Variants in HPSE observed in about 807,000 individuals in gnomAD.
HPSE encodes the protein endo-glucoronidase.
A neutral mutation model predicts 65.1 loss-of-function variants in HPSE; 48 were observed. That is an observed-to-expected ratio of 0.74 (90% confidence interval 0.58 to 0.94). The LOEUF (loss-of-function observed/expected upper bound fraction) is 0.94, where lower values mean the gene tolerates loss of function less well. Among genes scored for constraint, HPSE ranks in the 40% least tolerant of loss-of-function variants. The pLI is 0.00. For missense variants in HPSE, 644 were observed against 637.5 expected, an observed-to-expected ratio of 1.01 and a Z score of -0.11; for synonymous variants, 243 against 260.0, an observed-to-expected ratio of 0.93 and a Z score of 0.63.
At chr4:83,298,586 C>T (rs1365427748) in intron 11 of HPSE, among the ~76,000 whole-genome samples, 1 of 152,038 alleles carries the variant, frequency 6.6e-6, no homozygotes, top group Non-Finnish European at 1.5e-5. Context: ...AATCCCAGCA[C>T]TTTGGGAGGC....
At chr4:83,307,288 C>A (rs1309167350) in intron 8 of HPSE, among the ~76,000 whole-genome samples, 1 of 152,144 alleles carries the variant, frequency 6.6e-6, no homozygotes, top group Non-Finnish European at 1.5e-5. Context: ...GGTTACAGGA[C>A]CACAAGTGCA....
At chr4:83,328,037 A>AC (rs1002139314) in intron 1 of HPSE, among the ~76,000 whole-genome samples, 1 of 151,938 alleles carries the variant, frequency 6.6e-6, no homozygotes, top group Non-Finnish European at 1.5e-5. Context: ...GTTAGAAAAC[A>AC]CCCCCCAACA....
chr4:83,319,191 C>A lies in HPSE; in HGVS notation c.499+153G>T, dbSNP rs572755929. On this transcript the variant is annotated intron_variant, in intron 3 of 11. Coordinates refer to ENST00000311412, the MANE Select transcript of HPSE (RefSeq NM_001098540.3). ...AACAAACAAAAAAAAAACCAAAAAGCAAGTTTTGAGTTTAGGATTTCCCAT... is the reference window on the plus strand; with the variant it reads ...AACAAACAAAAAAAAAACCAAAAAGAAAGTTTTGAGTTTAGGATTTCCCAT... The A allele has an allele frequency of 6.0e-4, 445 of 741,938 alleles. 1 individual carries two copies. In the African/African-American group the frequency reaches 7.5e-3, roughly 12 times the overall value. 46.0% of individuals were successfully genotyped at this position (741,938 alleles called of 1,614,324 possible). A position where few individuals can be genotyped will look rare whatever the true frequency, so the allele number is the denominator to read the frequency against.
intron 11 of HPSE, among the ~76,000 whole-genome samples, chr4:83,300,244 C>T (rs1735889235): frequency 6.6e-6 from 1 of 152,042 alleles, no homozygotes; most frequent in African/African-American, 2.4e-5. Context: ...TTACTCTAAC[C>T]AATAAAAATT....
In HPSE at chr4:83,296,669, TAAAAAAAGAAAAAAA is replaced by T. The variant is rs1003428428; in HGVS notation, c.1473-1181_1473-1167del. Among the ~76,000 whole-genome samples, 3 of 133,536 alleles carry T rather than the reference TAAAAAAAGAAAAAAA, an allele frequency of 2.2e-5. No homozygotes were observed. In the South Asian group the frequency reaches 6.9e-4, roughly 31 times the overall value. 87.6% of individuals were successfully genotyped at this position (133,536 alleles called of 152,430 possible). ...CAGCCTGGTAGAGCAAGATTCTGTC[TAAAAAAAGAAAAAAA>T]AAAAAAAGAAAAGAGAACGTATAAG... On this transcript the variant is annotated intron_variant, in intron 11 of 11. Coordinates refer to ENST00000311412, the MANE Select transcript of HPSE (RefSeq NM_001098540.3).
Position 83,302,236 on chromosome 4 carries a change from C to T in HPSE, c.1239G>A (p.Leu413=). Residue 413 remains leucine (L), a synonymous_variant, in exon 10 of 12, where the codon TTG becomes TTA. Coordinates refer to ENST00000311412, the MANE Select transcript of HPSE (RefSeq NM_001098540.3). ...DYWLSLLFKK[L]VGTKVLMASV... is the part of the protein sequence containing the mutation. The stretch of plus-strand genomic sequence containing the variant: ...TTGCCATTAACACCTTGGTGCCCAC[C>T]AATTTCTTGAACAGAAGAGATAGCC... 1.2e-6 allele frequency: 2 copies of T among 1,613,734 alleles called. No individual in the cohort carries two copies. The highest frequency in any genetic ancestry group is 1.7e-6 in the Non-Finnish European group (2 of 1,179,718).
intron 7 of HPSE, among the ~76,000 whole-genome samples, 189 bp downstream of exon 7, chr4:83,309,213 T>A (rs1736271285): frequency 6.6e-6 from 1 of 152,220 alleles, no homozygotes; most frequent in African/African-American, 2.4e-5. Flanking sequence ...TGGAAATATT[T>A]CAAATTTCTA....
rs375696506 is a variant in HPSE at position 83,313,096 on chromosome 4, G to T, written c.673+18C>A. 9 of 1,491,132 alleles carry T rather than the reference G, an allele frequency of 6.0e-6. No homozygotes were observed. Among genetic ancestry groups the T allele is most frequent in the African/African-American group, 1.4e-5 (1 of 71,170 alleles). 92.4% of individuals were successfully genotyped at this position (1,491,132 alleles called of 1,614,324 possible). On this transcript the variant is annotated intron_variant, in intron 4 of 11. Coordinates refer to ENST00000311412, the MANE Select transcript of HPSE (RefSeq NM_001098540.3). ...TGGGGGATCTCCTTATTAATGAATTGTTCCCTGGGGTACTCACCATTGCCT... is the reference window on the plus strand; with the variant it reads ...TGGGGGATCTCCTTATTAATGAATTTTTCCCTGGGGTACTCACCATTGCCT...
intron 1 of HPSE, among the ~76,000 whole-genome samples, chr4:83,323,921 G>C (rs1374054337): frequency 6.6e-6 from 1 of 152,042 alleles, no homozygotes; most frequent in Non-Finnish European, 1.5e-5. Context: ...CTGGGTAAGA[G>C]AAACACCTGT....
chr4:83,297,374 G>GTA lies in HPSE; in HGVS notation c.1473-1873_1473-1872dup, dbSNP rs1735772468. Among the ~76,000 whole-genome samples the GTA allele has an allele frequency of 2.7e-5, 4 of 145,478 alleles. No homozygotes were observed. In the South Asian group the frequency reaches 8.7e-4, roughly 32 times the overall value. ...TTTTTTACTTAAGTATGGGTATACT[G>GTA]TATTTTCTTAAAACTTGATTCTTCC... On this transcript the variant is annotated intron_variant, in intron 11 of 11. Coordinates refer to ENST00000311412, the MANE Select transcript of HPSE (RefSeq NM_001098540.3).
intron 1 of HPSE, among the ~76,000 whole-genome samples, chr4:83,324,137 T>TC (rs1737042242): frequency 1.4e-4 from 13 of 92,636 alleles, no homozygotes; most frequent in African/African-American, 3.5e-4. Context: ...TTTTTTTTTT[T>TC]TGAGACAGGA....
intron 10 of HPSE, 90 bp downstream of exon 10, chr4:83,302,060 G>T: frequency 1.3e-6 from 1 of 770,934 alleles, no homozygotes; most frequent in Non-Finnish European, 2.3e-6. Flanking sequence ...CTTATGCAAT[G>T]TATAGACACA....
At chr4:83,320,804 C>T (rs377428729) in intron 2 of HPSE, among the ~76,000 whole-genome samples, 15 of 152,288 alleles carry the variant, frequency 9.8e-5, no homozygotes, top group African/African-American at 3.6e-4. Flanking sequence ...CCGACCATCC[C>T]CCTAGACACA....
At chr4:83,312,914 C>T (rs1443084023) in intron 4 of HPSE, among the ~76,000 whole-genome samples, 200 bp downstream of exon 4, 5 of 48,636 alleles carry the variant, frequency 1.0e-4, no homozygotes, top group South Asian at 7.2e-4. Context: ...CCCAGCTACT[C>T]GGGAGGCTGA....
chr4:83,316,513 T>C (rs945073637), intron 3 of HPSE, among the ~76,000 whole-genome samples: 6 of 152,064 alleles, frequency 3.9e-5, no homozygotes, highest in East Asian at 3.9e-4. Flanking sequence ...AGATGACACA[T>C]TGAAAAAAAT....
Position 83,319,443 on chromosome 4 carries a change from G to T in HPSE, c.400C>A (p.Pro134Thr). The T allele has an allele frequency of 6.2e-7, 1 of 1,613,862 alleles. No homozygotes were observed. Among genetic ancestry groups the T allele is most frequent in the African/African-American group, 1.3e-5 (1 of 75,000 alleles). ...QDICKYGSIP[P>T]DVEEKLRLEW... Reference sequence around the variant, plus strand: ...AACCGTAACTTCTCCTCCACATCAGGAGGGATGGATCCATATTTGCAAATA... The same window carrying T: ...AACCGTAACTTCTCCTCCACATCAGTAGGGATGGATCCATATTTGCAAATA... The change falls in exon 3 of 12, where the codon CCT (proline) becomes ACT (threonine). Residue 134 changes from proline (P) to threonine (T), a missense_variant. Physicochemically the swap from Pro to Thr is conservative, Grantham distance 38. Coordinates refer to ENST00000311412, the MANE Select transcript of HPSE (RefSeq NM_001098540.3).
intron 3 of HPSE, among the ~76,000 whole-genome samples, chr4:83,314,105 T>C (rs1736531427): frequency 6.6e-6 from 1 of 151,472 alleles, no homozygotes; most frequent in African/African-American, 2.4e-5. Flanking sequence ...ACACAAAAAT[T>C]AGCCGGGCAT....
At chr4:83,314,147 CTTGGGAGGCTGAG>C (rs1736533333) in intron 3 of HPSE, among the ~76,000 whole-genome samples, 1 of 151,518 alleles carries the variant, frequency 6.6e-6, no homozygotes, top group Non-Finnish European at 1.5e-5. Context: ...CAGCTAGCTA[CTTGGGAGGCTGAG>C]GTGGGAGGAT....
chr4:83,334,295 A>G (rs1560518534), intron 1 of HPSE, among the ~76,000 whole-genome samples: 1 of 152,170 alleles, frequency 6.6e-6, no homozygotes, highest in South Asian at 2.1e-4. Context: ...ATGCCACCAC[A>G]ATGCAATATA....
Sources: gnomAD v4.1 joint callset for allele counts (sites outside exome capture counted in the v4.1 genomes callset) on GRCh38, gnomAD v4.1.1 for gene constraint, MANE v1.5 for transcripts, NCBI Gene and HGNC (gene_info 2026-07-23, HGNC 2026-07-21) for gene names.